IL4R: variants seen among roughly 807,000 people sequenced by gnomAD.
IL4R encodes interleukin 4 receptor, also known as interleukin-4 receptor subunit alpha.
In IL4R, 17 loss-of-function variants were observed where a neutral mutation model predicts 41.5. The observed-to-expected ratio is 0.41, with a 90% CI of 0.28 to 0.61. IL4R has a LOEUF of 0.61. Ranked by LOEUF, IL4R falls within the 20% of genes least tolerant of loss-of-function variation. IL4R has a pLI of 0.31. For missense variants in IL4R, 974 were observed against 1,043.1 expected (o/e 0.93, Z 0.91); for synonymous variants, 402 against 422.9 (o/e 0.95, Z 0.61).
chr16:27,341,444 C>T (rs1218829100), intron 3 of IL4R: 3 of 515,292 alleles, frequency 5.8e-6, no homozygotes, highest in Non-Finnish European at 6.9e-6. Context: ...CTGAGATGGG[C>T]GTGGCACTGA....
chr16:27,360,987 T>C (rs1408272642), intron 10 of IL4R, 172 bp downstream of exon 10: 3 of 1,485,440 alleles, frequency 2.0e-6, no homozygotes, highest in Non-Finnish European at 2.7e-6. Context: ...CGTGGACTGC[T>C]GGCCAAGCCC....
chr16:27,356,635 C>T (rs999604025), intron 8 of IL4R, among the ~76,000 whole-genome samples: 1 of 152,060 alleles, frequency 6.6e-6, no homozygotes, highest in East Asian at 1.9e-4. Context: ...GGAGTCATCC[C>T]ACATCCCCTT....
At chr16:27,359,849 G>C (rs937834413) in intron 9 of IL4R, 2 of 455,804 alleles carry the variant, frequency 4.4e-6, no homozygotes, top group Admixed American at 4.7e-5. Flanking sequence ...ACCCCGAAAT[G>C]TAGAGGGTTA....
At chr16:27,325,731 T>TTTAAAATACACATAAATA (rs2084938897) in intron 1 of IL4R, among the ~76,000 whole-genome samples, 1 of 152,094 alleles carries the variant, frequency 6.6e-6, no homozygotes, top group Non-Finnish European at 1.5e-5. Flanking sequence ...GCTCACTTAT[T>TTTAAAATACACATAAATA]GAGTGCCTGC....
intron 1 of IL4R, among the ~76,000 whole-genome samples, chr16:27,322,782 T>C (rs1201837386): frequency 1.3e-5 from 2 of 152,228 alleles, no homozygotes; most frequent in Admixed American, 1.3e-4. Context: ...TCATGAATTC[T>C]ATTTTATTGA....
At position 27,340,911 on chromosome 16, in the gene IL4R, T is replaced by C. The variant is rs1180932851; in HGVS notation, c.70+638T>C. Among the ~76,000 whole-genome samples the C allele has an allele frequency of 4.6e-5, 7 of 152,288 alleles. No homozygotes were observed. In the East Asian group the frequency reaches 7.7e-4, roughly 17 times the overall value. On this transcript the variant is annotated intron_variant, in intron 3 of 10. Coordinates refer to ENST00000395762, the MANE Select transcript of IL4R (RefSeq NM_000418.4). ...CATTCTTGGCAGAGAGGCCCTGCAC[T>C]GAGCCTGGCGGGAGGGTTGAGCACA...
chr16:27,333,080 C>T (rs2085158144), intron 2 of IL4R, among the ~76,000 whole-genome samples: 1 of 151,906 alleles, frequency 6.6e-6, no homozygotes, highest in Non-Finnish European at 1.5e-5. Flanking sequence ...TTTTATGTCC[C>T]AGAATGTGGT....
chr16:27,340,242 C>G lies in IL4R; in HGVS notation c.39C>G (p.Ser13Arg), dbSNP rs1266243839. 1 of 1,614,006 alleles carries G rather than the reference C, an allele frequency of 6.2e-7. No homozygotes were observed. Among genetic ancestry groups the G allele is most frequent in the South Asian group, 1.1e-5 (1 of 91,036 alleles). ...WLCSGLLFPV[S>R]CLVLLQVASS... ...GCTCTGGGCTCCTGTTCCCTGTGAGCTGCCTGGTCCTGCTGCAGGTGGCAA... is the reference window on the plus strand; with the variant it reads ...GCTCTGGGCTCCTGTTCCCTGTGAGGTGCCTGGTCCTGCTGCAGGTGGCAA... Residue 13 changes from serine to arginine, a missense_variant, in exon 3 of 11, where the codon AGC (serine) becomes AGG (arginine). By Grantham distance (110) the Ser-to-Arg change is moderately radical. This residue lies in a region of IL4R where 284 missense variants were observed against 313.4 expected (regional missense o/e 0.91). Transcript: ENST00000395762.
intron 2 of IL4R, among the ~76,000 whole-genome samples, chr16:27,331,008 G>T (rs1204890536): frequency 1.3e-5 from 2 of 152,058 alleles, no homozygotes; most frequent in African/African-American, 2.4e-5. Context: ...TGGAGAAGAG[G>T]CAGGGTGAGC....
Position 27,341,774 on chromosome 16 carries a change from G to A in IL4R, c.71-347G>A, listed in dbSNP as rs539766983. The stretch of plus-strand genomic sequence containing the variant: ...GGGGAAGTGGCACTTCCCCTAGCTC[G>A]AGGGCAGAGGCTTGGTGTGATGGAA... On this transcript the variant is annotated intron_variant, in intron 3 of 10. Coordinates refer to ENST00000395762, the MANE Select transcript of IL4R (RefSeq NM_000418.4). Among the ~76,000 whole-genome samples the A allele has an allele frequency of 2.6e-5, 4 of 152,328 alleles. No individual in the cohort carries two copies. The South Asian group carries it at 8.3e-4, about 32-fold the overall frequency.
Position 27,364,229 on chromosome 16 carries a change from C to G in IL4R, c.*399C>G. 5.6e-6 allele frequency: 1 copy of G among 178,170 alleles called. No individual in the cohort carries two copies. The highest frequency in any genetic ancestry group is 1.2e-5 in the Non-Finnish European group (1 of 85,022). The allele number at this position is 178,170 out of a possible 1,614,324, so 11.0% of individuals were successfully genotyped here. On this transcript the variant is annotated 3_prime_UTR_variant, in exon 11 of 11. Coordinates refer to ENST00000395762, the MANE Select transcript of IL4R (RefSeq NM_000418.4). Reference sequence around the variant, plus strand: ...ACCAGATCATGGCCCACGTGGAGGCCCACCTGCCTCTGTCTCACTGAACTA... The same window carrying G: ...ACCAGATCATGGCCCACGTGGAGGCGCACCTGCCTCTGTCTCACTGAACTA...
At chr16:27,321,446 T>C (rs1258549248) in intron 1 of IL4R, among the ~76,000 whole-genome samples, 2 of 152,224 alleles carry the variant, frequency 1.3e-5, no homozygotes, top group African/African-American at 4.8e-5. Context: ...ACGCAAAGAC[T>C]GTTTGTTTGG....
Position 27,362,465 on chromosome 16 carries a change from T to TGAG in IL4R, c.1127_1129dup (p.Glu376dup), listed in dbSNP as rs756906772. On this transcript the variant is annotated inframe_insertion, in exon 11 of 11. Coordinates refer to ENST00000395762, the MANE Select transcript of IL4R (RefSeq NM_000418.4). ...AGTTGTTTGAGGCCCCGGTGGAGTG[T>TGAG]GAGGAGGAGGAGGAGGTAGAGGAAG... The TGAG allele has an allele frequency of 5.0e-5, 81 of 1,612,666 alleles. No homozygotes were observed. Among genetic ancestry groups the TGAG allele is most frequent in the East Asian group, 8.9e-5 (4 of 44,832 alleles).
At chr16:27,332,330 A>C (rs148613085) in intron 2 of IL4R, among the ~76,000 whole-genome samples, 1 of 152,194 alleles carries the variant, frequency 6.6e-6, no homozygotes, top group African/African-American at 2.4e-5. Flanking sequence ...CAGGAAGGAG[A>C]CACGCCAAGG....
At chr16:27,346,439 C>T (rs754636978) in intron 5 of IL4R, 28 bp from the exon 6 acceptor site, 2 of 1,613,248 alleles carry the variant, frequency 1.2e-6, no homozygotes, top group East Asian at 4.5e-5. Context: ...CTGCATAGAT[C>T]CTCACATAGA....
intron 10 of IL4R, chr16:27,361,123 C>G: frequency 9.8e-7 from 1 of 1,022,880 alleles, no homozygotes; most frequent in Non-Finnish European, 1.3e-6. Flanking sequence ...CGGCAAATAG[C>G]CACTATCCTG....
intron 2 of IL4R, among the ~76,000 whole-genome samples, chr16:27,332,966 G>A (rs1328926765): frequency 6.6e-6 from 1 of 151,788 alleles, no homozygotes; most frequent in Non-Finnish European, 1.5e-5. Flanking sequence ...CAAATACTTG[G>A]AAATTTTCTG....
At chr16:27,359,043 G>C in intron 9 of IL4R, 49 bp downstream of exon 9, 1 of 1,431,240 alleles carries the variant, frequency 7.0e-7, no homozygotes, top group Non-Finnish European at 9.8e-7. Context: ...ACATGAAGAA[G>C]TGTGGTTCAG....
chr16:27,363,186 A>G lies in IL4R; in HGVS notation c.1834A>G (p.Ser612Gly), dbSNP rs2086367399. 1.9e-6 allele frequency: 3 copies of G among 1,611,276 alleles called. No homozygotes were observed. Among genetic ancestry groups the G allele is most frequent in the South Asian group, 2.2e-5 (2 of 90,788 alleles). ...GYKAFSSLLA[S>G]SAVSPEKCGF... ...CAAGGCCTTCTCAAGCCTGCTTGCC[A>G]GCAGTGCTGTGTCCCCAGAGAAATG... Residue 612 changes from serine to glycine, a missense_variant, in exon 11 of 11, where the codon AGC becomes GGC. By Grantham distance (56) the Ser-to-Gly change is moderately conservative. This residue lies in a region of IL4R where 682 missense variants were observed against 704.3 expected (regional missense o/e 0.97). Coordinates refer to ENST00000395762, the MANE Select transcript of IL4R (RefSeq NM_000418.4).
Sources: allele counts gnomAD v4.1 joint callset (sites outside exome capture counted in the v4.1 genomes callset), GRCh38; gene constraint gnomAD v4.1.1; regional missense constraint gnomAD v4.1.1; transcripts MANE v1.5; gene names NCBI Gene and HGNC (gene_info 2026-07-23, HGNC 2026-07-21).